The following EPHA6 variants were observed in gnomAD, a reference collection of about 807,000 sequenced individuals.
EPHA6 encodes the protein ephrin type-A receptor 6.
A neutral mutation model predicts 112.0 loss-of-function variants in EPHA6; 50 were observed. The observed-to-expected ratio is 0.45, with a 90% CI of 0.36 to 0.56. EPHA6 has a LOEUF of 0.56. Among genes scored for constraint, EPHA6 ranks in the 20% least tolerant of loss-of-function variants. The pLI, the probability that EPHA6 is intolerant of heterozygous loss-of-function variation, is 0.00. For missense variants in EPHA6, 1,280 were observed against 1,417.4 expected (o/e 0.90, Z 1.56); for synonymous variants, 529 against 490.7 (o/e 1.08, Z -1.03).
At chr3:97,272,305 T>TA (rs2079910588) in intron 5 of EPHA6, among the ~76,000 whole-genome samples, 1 of 6,158 alleles carries the variant, frequency 1.6e-4, no homozygotes, top group African/African-American at 1.7e-4. Flanking sequence ...TTCGTGTGTG[T>TA]GTGTGTGTGT....
chr3:97,500,725 A>G (rs972555478), intron 10 of EPHA6, among the ~76,000 whole-genome samples: 17 of 152,196 alleles, frequency 1.1e-4, no homozygotes, highest in Admixed American at 1.1e-3. Flanking sequence ...TCTTCTGGAT[A>G]TACCTGAATT....
chr3:97,559,450 C>T, intron 11 of EPHA6: 1 of 301,866 alleles, frequency 3.3e-6, no homozygotes, highest in East Asian at 9.4e-5. Flanking sequence ...CAGTTGGGAG[C>T]CACTCTTCTA....
At chr3:96,913,102 G>C (rs1484055479) in intron 2 of EPHA6, among the ~76,000 whole-genome samples, 4 of 150,844 alleles carry the variant, frequency 2.7e-5, no homozygotes, top group African/African-American at 9.8e-5. Flanking sequence ...GCTAAGGCAA[G>C]AGGATCACTT....
intron 3 of EPHA6, among the ~76,000 whole-genome samples, chr3:97,219,346 C>A (rs2078125008): frequency 6.6e-6 from 1 of 152,194 alleles, no homozygotes; most frequent in South Asian, 2.1e-4. Context: ...TCCACCCCTG[C>A]ATCAGACTTC....
chr3:97,716,974 G>T (rs1050879596), intron 14 of EPHA6, among the ~76,000 whole-genome samples: 1 of 152,076 alleles, frequency 6.6e-6, no homozygotes, highest in Non-Finnish European at 1.5e-5. Context: ...ACTTTGGGAG[G>T]CCAAGGTGGG....
intron 4 of EPHA6, among the ~76,000 whole-genome samples, chr3:97,240,177 C>T (rs968195459): frequency 2.2e-4 from 34 of 151,814 alleles, no homozygotes; most frequent in African/African-American, 7.2e-4. Context: ...TTCATTGATA[C>T]GTATGTATCA....
intron 11 of EPHA6, among the ~76,000 whole-genome samples, chr3:97,539,067 C>T (rs1008758918): frequency 2.1e-4 from 10 of 47,058 alleles, no homozygotes; most frequent in African/African-American, 8.1e-4. Context: ...CTCTTTCTTC[C>T]CTTCCTTCCT....
At chr3:97,218,505 A>G (rs1313375590) in intron 3 of EPHA6, among the ~76,000 whole-genome samples, 4 of 152,148 alleles carry the variant, frequency 2.6e-5, no homozygotes, top group Admixed American at 6.5e-5. Flanking sequence ...CTAGCAAAGT[A>G]GGAAGAGCCC....
chr3:97,221,843 C>T (rs1439205140), intron 3 of EPHA6, among the ~76,000 whole-genome samples: 1 of 151,970 alleles, frequency 6.6e-6, no homozygotes, highest in Non-Finnish European at 1.5e-5. Context: ...ACCAGCCTGC[C>T]AACATGGTGA....
At chr3:96,921,887 T>G (rs1414877710) in intron 2 of EPHA6, among the ~76,000 whole-genome samples, 1 of 152,142 alleles carries the variant, frequency 6.6e-6, no homozygotes, top group Non-Finnish European at 1.5e-5. Flanking sequence ...TAACTTTTGA[T>G]GCACGGTTTG....
intron 3 of EPHA6, among the ~76,000 whole-genome samples, chr3:97,185,963 C>T (rs986565262): frequency 1.4e-5 from 2 of 147,128 alleles, no homozygotes; most frequent in Non-Finnish European, 3.0e-5. Context: ...ATCACAAGGA[C>T]AAAAAACCAA....
intron 10 of EPHA6, among the ~76,000 whole-genome samples, chr3:97,505,372 T>C (rs1229671702): frequency 2.0e-5 from 3 of 150,830 alleles, no homozygotes; most frequent in African/African-American, 4.9e-5. Flanking sequence ...TGATGTGTGA[T>C]GTTTGCCTCC....
intron 3 of EPHA6, among the ~76,000 whole-genome samples, chr3:97,017,253 C>G (rs2044296085): frequency 6.6e-6 from 1 of 152,138 alleles, no homozygotes; most frequent in Admixed American, 6.5e-5. Flanking sequence ...CTTCCATTCC[C>G]TGGAAGTGGC....
intron 5 of EPHA6, among the ~76,000 whole-genome samples, chr3:97,335,876 G>A (rs888662825): frequency 6.6e-6 from 1 of 152,002 alleles, no homozygotes; most frequent in Non-Finnish European, 1.5e-5. Context: ...AGTTCTGCTT[G>A]GTGGGGTCAG....
At position 97,056,618 on chromosome 3, in the gene EPHA6, A is replaced by G. The variant is rs574209013; in HGVS notation, c.1114+68625A>G. Reference sequence around the variant, plus strand: ...ATCTGTGCTCCTGGTGTCTTGGTAAAGGACGTATTGCTTGGATCTGGACCC... The same window carrying G: ...ATCTGTGCTCCTGGTGTCTTGGTAAGGGACGTATTGCTTGGATCTGGACCC... On this transcript the variant is annotated intron_variant, in intron 3 of 17. Transcript: ENST00000389672. 3.3e-5 allele frequency among the ~76,000 whole-genome samples: 5 copies of G among 152,284 alleles called. No individual in the cohort carries two copies. In the South Asian group the frequency reaches 1.0e-3, roughly 32 times the overall value.
chr3:96,929,733 T>C (rs932111112), intron 2 of EPHA6, among the ~76,000 whole-genome samples: 16 of 152,188 alleles, frequency 1.1e-4, no homozygotes, highest in Non-Finnish European at 2.2e-4. Flanking sequence ...AGTATTTTAC[T>C]GGGGTTCTCT....
At chr3:96,989,381 A>G (rs2043136157) in intron 3 of EPHA6, among the ~76,000 whole-genome samples, 1 of 152,198 alleles carries the variant, frequency 6.6e-6, no homozygotes, top group Non-Finnish European at 1.5e-5. Context: ...TGTGCTTTTA[A>G]TCATTAAAGT....
intron 3 of EPHA6, among the ~76,000 whole-genome samples, chr3:97,168,565 C>CT (rs1228863942): frequency 1.3e-5 from 2 of 149,636 alleles, no homozygotes; most frequent in Admixed American, 6.7e-5. Context: ...TTTTCTCTCT[C>CT]TTTCTCTCTG....
chr3:97,435,016 A>C (rs1218318094), intron 6 of EPHA6, among the ~76,000 whole-genome samples: 1 of 152,022 alleles, frequency 6.6e-6, no homozygotes, highest in Admixed American at 6.6e-5. Flanking sequence ...ATTGCCATAC[A>C]GAGCTCCAAG....
Sources: allele counts gnomAD v4.1 joint callset (sites outside exome capture counted in the v4.1 genomes callset), GRCh38; gene constraint gnomAD v4.1.1; transcripts MANE v1.5; gene names NCBI Gene and HGNC (gene_info 2026-07-23, HGNC 2026-07-21).